The following AMBRA1 variants were observed in gnomAD, a reference collection of about 807,000 sequenced individuals.
AMBRA1 encodes the protein autophagy and beclin 1 regulator 1, also known as activating molecule in BECN1-regulated autophagy protein 1.
A neutral mutation model predicts 125.4 loss-of-function variants in AMBRA1; 47 were observed. The observed-to-expected ratio is 0.37, with a 90% CI of 0.30 to 0.48. The LOEUF (loss-of-function observed/expected upper bound fraction) is 0.48, where lower values mean the gene tolerates loss of function less well. Ranked by LOEUF, AMBRA1 falls within the 20% of genes least tolerant of loss-of-function variation. The pLI is 0.99. For missense variants in AMBRA1, 1,331 were observed against 1,693.4 expected, an observed-to-expected ratio of 0.79 and a Z score of 3.76; for synonymous variants, 626 against 655.5, an observed-to-expected ratio of 0.95 and a Z score of 0.69.
At chr11:46,494,896 G>A (rs1950579583) in intron 9 of AMBRA1, 1 of 152,212 alleles carries the variant, frequency 6.6e-6, no homozygotes, top group Non-Finnish European at 1.5e-5. Flanking sequence ...TTAAGTATCT[G>A]CTAGGTTCCA....
chr11:46,493,770 A>G, intron 10 of AMBRA1, 62 bp from the exon 11 acceptor site: 1 of 1,329,710 alleles, frequency 7.5e-7, no homozygotes, highest in Non-Finnish European at 1.0e-6. Context: ...GATACTAACT[A>G]CCTACACTGA....
chr11:46,466,534 A>C (rs1047473365), intron 11 of AMBRA1, among the ~76,000 whole-genome samples: 6 of 152,170 alleles, frequency 3.9e-5, no homozygotes, highest in Non-Finnish European at 7.3e-5. Context: ...GTTACTGCTC[A>C]AAGTGGATTC....
intron 1 of AMBRA1, among the ~76,000 whole-genome samples, chr11:46,553,599 G>A (rs2043079195): frequency 1.3e-5 from 2 of 151,996 alleles, no homozygotes; most frequent in South Asian, 4.2e-4. Flanking sequence ...ACAAAAATTA[G>A]CCAGGCGTGG....
intron 11 of AMBRA1, among the ~76,000 whole-genome samples, chr11:46,465,018 T>A (rs1268120194): frequency 6.6e-6 from 1 of 151,966 alleles, no homozygotes; most frequent in Non-Finnish European, 1.5e-5. Flanking sequence ...CACTCCAGCC[T>A]GGCGACACAG....
At position 46,494,191 on chromosome 11, in the gene AMBRA1, T is replaced by C. The variant is rs1361255763; in HGVS notation, c.2353A>G (p.Arg785Gly). Residue 785 changes from arginine (R) to glycine (G), a missense_variant, in exon 10 of 18, where the codon AGA becomes GGA. Physicochemically the swap from Arg to Gly is moderately radical, Grantham distance 125. Coordinates refer to ENST00000683756, the MANE Select transcript of AMBRA1 (RefSeq NM_001387011.1). ...EFEDFEDNGD[R>G]SRHRAPRNAR... Reference sequence around the variant, plus strand: ...TTGCGTGGAGCTCGGTGCCTGGATCTGTCACCATTGTCCCTGAAAAAAATA... The same window carrying C: ...TTGCGTGGAGCTCGGTGCCTGGATCCGTCACCATTGTCCCTGAAAAAAATA... 1 of 1,600,532 alleles carries C rather than the reference T, an allele frequency of 6.2e-7. No individual in the cohort carries two copies. The highest frequency in any genetic ancestry group is 8.5e-7 in the Non-Finnish European group (1 of 1,172,756).
chr11:46,454,697 G>T (rs1948774303), intron 11 of AMBRA1, among the ~76,000 whole-genome samples: 1 of 151,780 alleles, frequency 6.6e-6, no homozygotes, highest in Non-Finnish European at 1.5e-5. Context: ...CTTGCAGCGA[G>T]CCGAGATCAC....
At chr11:46,453,416 C>A (rs1370445854) in intron 11 of AMBRA1, among the ~76,000 whole-genome samples, 1 of 152,130 alleles carries the variant, frequency 6.6e-6, no homozygotes, top group Non-Finnish European at 1.5e-5. Flanking sequence ...CAGGCACGAG[C>A]CACTCTGCCT....
intron 11 of AMBRA1, among the ~76,000 whole-genome samples, chr11:46,463,688 G>T (rs1949198173): frequency 6.6e-6 from 1 of 152,160 alleles, no homozygotes. Flanking sequence ...AAAATCTTTT[G>T]TCTGATTTCT....
chr11:46,585,397 G>A lies in AMBRA1; in HGVS notation c.-121+8431C>T, dbSNP rs560671831. Among the ~76,000 whole-genome samples, 11 of 150,774 alleles carry A rather than the reference G, an allele frequency of 7.3e-5. No homozygotes were observed. The East Asian group carries it at 1.8e-3, about 24-fold the overall frequency. On this transcript the variant is annotated intron_variant, in intron 1 of 17. Transcript: ENST00000683756. ...TTCCAAAAAAAAAACGCTGGGCATGGTGCCTCACACTTGTAATCCCAGCAC... is the reference window on the plus strand; with the variant it reads ...TTCCAAAAAAAAAACGCTGGGCATGATGCCTCACACTTGTAATCCCAGCAC...
intron 16 of AMBRA1, among the ~76,000 whole-genome samples, chr11:46,409,237 G>A (rs1215384447): frequency 1.3e-5 from 2 of 150,284 alleles, no homozygotes; most frequent in Non-Finnish European, 1.5e-5. Context: ...AGACAGTCTC[G>A]CCCTGTCACC....
At chr11:46,416,057 T>C (rs944262529) in intron 15 of AMBRA1, among the ~76,000 whole-genome samples, 2 of 152,096 alleles carry the variant, frequency 1.3e-5, no homozygotes, top group Non-Finnish European at 2.9e-5. Context: ...AAGTTAGTGG[T>C]GGAAGCCATA....
At chr11:46,580,307 C>A (rs1234929221) in intron 1 of AMBRA1, among the ~76,000 whole-genome samples, 1 of 152,124 alleles carries the variant, frequency 6.6e-6, no homozygotes, top group Non-Finnish European at 1.5e-5. Context: ...CATCCATTTC[C>A]CTTGGTTGTA....
chr11:46,571,312 CTT>C (rs1428487816), intron 1 of AMBRA1, among the ~76,000 whole-genome samples: 1 of 152,128 alleles, frequency 6.6e-6, no homozygotes, highest in Admixed American at 6.6e-5. Flanking sequence ...AATAAAGTAT[CTT>C]TAACTTTTTT....
intron 14 of AMBRA1, among the ~76,000 whole-genome samples, chr11:46,418,786 C>T (rs184853925): frequency 3.3e-5 from 5 of 152,242 alleles, no homozygotes; most frequent in East Asian, 1.9e-4. Flanking sequence ...TCTAATAATG[C>T]GCTCTCCTTA....
At chr11:46,403,724 G>A (rs1026321475) in intron 17 of AMBRA1, among the ~76,000 whole-genome samples, 1 of 152,186 alleles carries the variant, frequency 6.6e-6, no homozygotes, top group African/African-American at 2.4e-5. Flanking sequence ...CCCCTGTGGA[G>A]GGCTCCTCCT....
At position 46,545,805 on chromosome 11, in the gene AMBRA1, C is replaced by A. The variant is rs143652617; in HGVS notation, c.379-29G>T. 67 of 1,610,028 alleles carry A rather than the reference C, an allele frequency of 4.2e-5. No individual in the cohort carries two copies. The African/African-American group carries it at 8.0e-4, about 19-fold the overall frequency. On this transcript the variant is annotated intron_variant, in intron 4 of 17. Coordinates refer to ENST00000683756, the MANE Select transcript of AMBRA1 (RefSeq NM_001387011.1). Reference sequence around the variant, plus strand: ...TGAATGAACCAATTCCAGATATTCTCAGGTTACAAGCTACCAGCACACTGG... The same window carrying A: ...TGAATGAACCAATTCCAGATATTCTAAGGTTACAAGCTACCAGCACACTGG...
intron 17 of AMBRA1, among the ~76,000 whole-genome samples, chr11:46,401,348 C>T (rs1231504009): frequency 1.3e-5 from 2 of 152,222 alleles, no homozygotes; most frequent in Non-Finnish European, 2.9e-5. Flanking sequence ...TCATGCAATT[C>T]TCCTGCCTCA....
intron 14 of AMBRA1, among the ~76,000 whole-genome samples, chr11:46,423,858 G>A (rs1353408410): frequency 6.7e-6 from 1 of 148,758 alleles, no homozygotes; most frequent in Non-Finnish European, 1.5e-5. Flanking sequence ...CTGCCTCCTG[G>A]GTTCAAGCGA....
At chr11:46,477,159 A>G (rs1474827776) in intron 11 of AMBRA1, among the ~76,000 whole-genome samples, 1 of 151,918 alleles carries the variant, frequency 6.6e-6, no homozygotes, top group Non-Finnish European at 1.5e-5. Context: ...AAAGGGAGAA[A>G]GGTGGAAGGG....
Sources: gnomAD v4.1 joint callset for allele counts (sites outside exome capture counted in the v4.1 genomes callset) on GRCh38, gnomAD v4.1.1 for gene constraint, MANE v1.5 for transcripts, NCBI Gene and HGNC (gene_info 2026-07-23, HGNC 2026-07-21) for gene names.